The following ENTREP2 variants were observed in gnomAD, a reference collection of about 807,000 sequenced individuals.
ENTREP2 encodes protein ENTREP2.
the ENTREP2 span, among the ~76,000 whole-genome samples, chr15:29,535,742 CTT>C: frequency 6.8e-6 from 1 of 146,144 alleles, no homozygotes; most frequent in Non-Finnish European, 1.5e-5. Context: ...CCCAAATATT[CTT>C]TTTTTTTTTT....
the ENTREP2 span, among the ~76,000 whole-genome samples, chr15:29,203,198 C>T: frequency 6.6e-6 from 1 of 152,194 alleles, no homozygotes; most frequent in Non-Finnish European, 1.5e-5. Context: ...GACAGGAGAT[C>T]GAGACCATCC....
At chr15:29,475,225 G>C in the ENTREP2 span, among the ~76,000 whole-genome samples, 3 of 152,094 alleles carry the variant, frequency 2.0e-5, no homozygotes, top group Admixed American at 2.0e-4. Context: ...GCTTCCAAGG[G>C]GTGAGCTGGA....
chr15:29,198,678 T>C, the ENTREP2 span, among the ~76,000 whole-genome samples: 1 of 152,252 alleles, frequency 6.6e-6, no homozygotes, highest in African/African-American at 2.4e-5. Flanking sequence ...CACCGGCCCA[T>C]GGCCATGTTC....
the ENTREP2 span, among the ~76,000 whole-genome samples, chr15:29,224,824 C>G: frequency 6.6e-6 from 1 of 152,218 alleles, no homozygotes; most frequent in South Asian, 2.1e-4. Context: ...GTCCATGGGA[C>G]TGGGCACCGT....
At chr15:29,585,390 T>A in the ENTREP2 span, among the ~76,000 whole-genome samples, 2 of 152,192 alleles carry the variant, frequency 1.3e-5, no homozygotes, top group African/African-American at 4.8e-5. Flanking sequence ...AATAAGCACA[T>A]GCAGAGATGC....
At chr15:29,565,590 T>C in the ENTREP2 span, among the ~76,000 whole-genome samples, 2 of 152,250 alleles carry the variant, frequency 1.3e-5, no homozygotes, top group Non-Finnish European at 2.9e-5. Context: ...ATATTCGTTA[T>C]ACATTAAATT....
At chr15:29,225,501 C>G in the ENTREP2 span, among the ~76,000 whole-genome samples, 355 of 152,214 alleles carry the variant, frequency 2.3e-3, 1 homozygote, top group African/African-American at 8.2e-3. Context: ...CACTTTCACC[C>G]GCAGCTTACC....
At chr15:29,133,610 T>C in the ENTREP2 span, among the ~76,000 whole-genome samples, 2 of 152,196 alleles carry the variant, frequency 1.3e-5, no homozygotes, top group Admixed American at 6.5e-5. Context: ...ACCTGACCCA[T>C]TGCTTTCTTC....
chr15:29,188,166 G>A, the ENTREP2 span, among the ~76,000 whole-genome samples: 1 of 152,200 alleles, frequency 6.6e-6, no homozygotes, highest in South Asian at 2.1e-4. Context: ...CCCTGCTAAA[G>A]AGCTGCTAAA....
chr15:29,477,117 C>G, the ENTREP2 span, among the ~76,000 whole-genome samples: 164 of 152,312 alleles, frequency 1.1e-3, no homozygotes, highest in African/African-American at 3.6e-3. Flanking sequence ...GATGGCTCTT[C>G]ACAAACACAC....
the ENTREP2 span, among the ~76,000 whole-genome samples, chr15:29,314,056 C>A: frequency 1.3e-5 from 2 of 152,070 alleles, no homozygotes; most frequent in African/African-American, 4.8e-5. Context: ...AAAGATGTGG[C>A]TAAATTGTTG....
chr15:29,478,025 T>TATATATATATATATATATA, the ENTREP2 span, among the ~76,000 whole-genome samples: 105 of 122,704 alleles, frequency 8.6e-4, no homozygotes, highest in African/African-American at 3.5e-3. Context: ...ATATATTTTT[T>TATATATATATATATATATA]TTTTTTTTTT....
the ENTREP2 span, among the ~76,000 whole-genome samples, chr15:29,224,409 T>A: frequency 1.1e-4 from 17 of 152,174 alleles, no homozygotes; most frequent in Non-Finnish European, 1.3e-4. Context: ...TTGCCACTGC[T>A]GGCTCGGGCA....
the ENTREP2 span, among the ~76,000 whole-genome samples, chr15:29,261,574 GAACATACCAA>G: frequency 1.3e-5 from 2 of 152,094 alleles, no homozygotes; most frequent in African/African-American, 2.4e-5. Context: ...AGGACACTTG[GAACATACCAA>G]AAGCTAACCA....
the ENTREP2 span, among the ~76,000 whole-genome samples, chr15:29,179,706 G>A: frequency 1.3e-5 from 2 of 151,430 alleles, no homozygotes; most frequent in East Asian, 2.0e-4. Flanking sequence ...TCAGCCTCCC[G>A]AGTAGCTGGG....
chr15:29,120,503 C>G, the ENTREP2 span: 1 of 152,192 alleles, frequency 6.6e-6, no homozygotes, highest in Non-Finnish European at 1.5e-5. Context: ...CAAGGGAGAC[C>G]TGAAGTCCTT....
chr15:29,234,547 A>C, the ENTREP2 span: 2 of 1,397,274 alleles, frequency 1.4e-6, no homozygotes, highest in Non-Finnish European at 2.0e-6. Context: ...GGCAAATAGC[A>C]ACAGATGTGG....
At chr15:29,489,792 C>T in the ENTREP2 span, among the ~76,000 whole-genome samples, 1 of 152,170 alleles carries the variant, frequency 6.6e-6, no homozygotes, top group African/African-American at 2.4e-5. Flanking sequence ...ATTTGCACGT[C>T]TGGGTACCAT....
At chr15:29,365,398 G>A in the ENTREP2 span, among the ~76,000 whole-genome samples, 2 of 151,766 alleles carry the variant, frequency 1.3e-5, no homozygotes, top group African/African-American at 4.8e-5. Context: ...GATTACAGGT[G>A]CCCGCCACCA....
Sources: allele counts gnomAD v4.1 joint callset (sites outside exome capture counted in the v4.1 genomes callset), GRCh38; gene constraint gnomAD v4.1.1; transcripts MANE v1.5; gene names NCBI Gene and HGNC (gene_info 2026-07-23, HGNC 2026-07-21).